The following UVRAG variants were observed in gnomAD, a reference collection of about 807,000 sequenced individuals.
The protein encoded by UVRAG is UV radiation resistance associated, also known as UV radiation resistance-associated gene protein.
A neutral mutation model predicts 78.0 loss-of-function variants in UVRAG; 19 were observed. The ratio of observed to expected loss-of-function variants is 0.24; its 90% CI spans 0.17 to 0.36. UVRAG has a LOEUF of 0.36. Ranked by LOEUF, UVRAG falls within the 10% of genes least tolerant of loss-of-function variation. UVRAG has a pLI of 1.00. For missense variants in UVRAG, 740 were observed against 853.8 expected (o/e 0.87, Z 1.66); for synonymous variants, 323 against 324.6 (o/e 1.00, Z 0.05).
intron 12 of UVRAG, among the ~76,000 whole-genome samples, chr11:76,060,935 G>A (rs1489548395): frequency 6.6e-6 from 1 of 152,256 alleles, no homozygotes; most frequent in Non-Finnish European, 1.5e-5. Flanking sequence ...AACACCCAAG[G>A]GCTGAGGAGT....
intron 3 of UVRAG, among the ~76,000 whole-genome samples, chr11:75,867,295 A>G (rs1946557755): frequency 6.6e-6 from 1 of 152,216 alleles, no homozygotes; most frequent in Admixed American, 6.5e-5. Context: ...TTCAGCTCTT[A>G]AAAAGCCCTC....
In UVRAG at chr11:75,945,463, G is replaced by A. The variant is rs377437542; in HGVS notation, c.594-15981G>A. On this transcript the variant is annotated intron_variant, in intron 6 of 14. Transcript: ENST00000356136. Reference sequence around the variant, plus strand: ...GGAGCATGCTCCCAGTGCTGTTGAGGGAGACCACAACCCTTACCAAATATT... The same window carrying A: ...GGAGCATGCTCCCAGTGCTGTTGAGAGAGACCACAACCCTTACCAAATATT... Among the ~76,000 whole-genome samples the A allele has an allele frequency of 6.8e-4, 103 of 152,144 alleles. 1 individual carries two copies. The highest frequency in any genetic ancestry group is 2.4e-3 in the African/African-American group (101 of 41,512).
chr11:76,020,649 C>CTTTTT lies in UVRAG; in HGVS notation c.1226+3689_1226+3693dup, dbSNP rs35112254. ...CTCCCAACAAGCAGAAAGAAGGAGT[C>CTTTTT]TTTTTTTTTTTTTTTTTTTTTTTTG... is the stretch of plus-strand genomic sequence containing the variant. On this transcript the variant is annotated intron_variant, in intron 12 of 14. Transcript: ENST00000356136. Among the ~76,000 whole-genome samples the CTTTTT allele has an allele frequency of 6.3e-3, 327 of 52,254 alleles. 9 individuals are homozygous for CTTTTT. Among genetic ancestry groups the CTTTTT allele is most frequent in the African/African-American group, 0.023 (305 of 13,358 alleles). The allele number at this position is 52,254 out of a possible 152,430, so 34.3% of individuals were successfully genotyped here.
chr11:76,006,454 G>A (rs1342667331), intron 9 of UVRAG, among the ~76,000 whole-genome samples: 3 of 151,956 alleles, frequency 2.0e-5, no homozygotes, highest in Non-Finnish European at 4.4e-5. Flanking sequence ...GAGCCTATGA[G>A]TTTGAGACCA....
At chr11:75,916,462 C>T (rs1424632341) in intron 6 of UVRAG, 1 of 152,228 alleles carries the variant, frequency 6.6e-6, no homozygotes, top group East Asian at 1.9e-4. Flanking sequence ...TAGCTTTCTC[C>T]TCTAAGCCAG....
chr11:75,844,372 G>A (rs564216885), intron 1 of UVRAG, among the ~76,000 whole-genome samples: 199 of 151,866 alleles, frequency 1.3e-3, no homozygotes, highest in Non-Finnish European at 2.4e-3. Context: ...GACTACAGGT[G>A]CCCGCCACCA....
intron 3 of UVRAG, among the ~76,000 whole-genome samples, chr11:75,868,073 A>C (rs1036479383): frequency 1.3e-5 from 2 of 152,200 alleles, no homozygotes; most frequent in Non-Finnish European, 2.9e-5. Context: ...GGTGAGTGGG[A>C]CTATGTTGGA....
chr11:76,002,558 G>A (rs909744092), intron 8 of UVRAG, among the ~76,000 whole-genome samples: 1 of 152,170 alleles, frequency 6.6e-6, no homozygotes. Context: ...GATACTGCAC[G>A]TTTCTCTAGT....
intron 13 of UVRAG, among the ~76,000 whole-genome samples, chr11:76,111,253 T>G (rs1371739481): frequency 6.6e-6 from 1 of 152,170 alleles, no homozygotes; most frequent in African/African-American, 2.4e-5. Context: ...ATAAACTGAC[T>G]TGGCAGAAGC....
intron 6 of UVRAG, among the ~76,000 whole-genome samples, chr11:75,922,022 T>C (rs1947991234): frequency 6.6e-6 from 1 of 152,154 alleles, no homozygotes; most frequent in Admixed American, 6.5e-5. Flanking sequence ...TTTTTGGCTA[T>C]TCTCAGAACT....
chr11:75,892,158 CA>C (rs774600263), intron 5 of UVRAG, among the ~76,000 whole-genome samples: 1 of 152,130 alleles, frequency 6.6e-6, no homozygotes, highest in Non-Finnish European at 1.5e-5. Flanking sequence ...AAGCCAGAAG[CA>C]AAGTTTGTAT....
At chr11:75,869,815 G>A (rs756762405) in intron 3 of UVRAG, among the ~76,000 whole-genome samples, 4 of 152,188 alleles carry the variant, frequency 2.6e-5, no homozygotes, top group Non-Finnish European at 5.9e-5. Flanking sequence ...GAGATGTGTT[G>A]TATGGTTTCA....
intron 6 of UVRAG, among the ~76,000 whole-genome samples, chr11:75,921,419 A>G (rs1200125264): frequency 1.3e-5 from 2 of 152,178 alleles, no homozygotes; most frequent in Non-Finnish European, 1.5e-5. Context: ...TAGTTTTTAA[A>G]AATTGAGTTG....
chr11:76,104,694 G>A (rs997831464), intron 13 of UVRAG, among the ~76,000 whole-genome samples: 7 of 152,050 alleles, frequency 4.6e-5, no homozygotes, highest in Non-Finnish European at 1.0e-4. Context: ...ACATATACAT[G>A]CACACAATTC....
intron 6 of UVRAG, among the ~76,000 whole-genome samples, chr11:75,922,383 TTATTTA>T (rs1947997310): frequency 6.6e-6 from 1 of 152,160 alleles, no homozygotes; most frequent in Non-Finnish European, 1.5e-5. Flanking sequence ...TAGGAAAATC[TTATTTA>T]TATTTAGTAA....
At chr11:76,058,942 G>C (rs190643002) in intron 12 of UVRAG, among the ~76,000 whole-genome samples, 1 of 152,374 alleles carries the variant, frequency 6.6e-6, no homozygotes, top group Non-Finnish European at 1.5e-5. Flanking sequence ...TGAACTTGAT[G>C]TGTTTGTGAC....
chr11:76,039,514 GA>G (rs35019922), intron 12 of UVRAG, among the ~76,000 whole-genome samples: 1 of 151,964 alleles, frequency 6.6e-6, no homozygotes, highest in Non-Finnish European at 1.5e-5. Context: ...TTACATATTT[GA>G]AAAAAGGGAA....
chr11:76,109,007 A>T (rs1162991792), intron 13 of UVRAG, among the ~76,000 whole-genome samples: 4 of 152,196 alleles, frequency 2.6e-5, no homozygotes, highest in Non-Finnish European at 4.4e-5. Context: ...CCAAAATTCC[A>T]CTTAAAGACT....
At chr11:76,063,433 GT>G (rs1951129735) in intron 12 of UVRAG, among the ~76,000 whole-genome samples, 1 of 152,172 alleles carries the variant, frequency 6.6e-6, no homozygotes, top group African/African-American at 2.4e-5. Flanking sequence ...CCTGTTGTTA[GT>G]TAGAGTGACA....
Sources: gnomAD v4.1 joint callset for allele counts (sites outside exome capture counted in the v4.1 genomes callset) on GRCh38, gnomAD v4.1.1 for gene constraint, MANE v1.5 for transcripts, NCBI Gene and HGNC (gene_info 2026-07-23, HGNC 2026-07-21) for gene names.